The following PID1 variants were observed in gnomAD, a reference collection of about 807,000 sequenced individuals.
PID1 encodes PTB-containing, cubilin and LRP1-interacting protein.
A neutral mutation model predicts 19.1 loss-of-function variants in PID1; 10 were observed. That is an observed-to-expected ratio of 0.52 (90% confidence interval 0.32 to 0.89). The LOEUF (loss-of-function observed/expected upper bound fraction) is 0.89. Ranked by LOEUF, PID1 falls within the 40% of genes least tolerant of loss-of-function variation. The pLI is 0.03. For missense variants in PID1, 248 were observed against 285.3 expected (o/e 0.87, Z 0.94); for synonymous variants, 130 against 116.0 (o/e 1.12, Z -0.78).
At chr2:229,069,144 TG>T (rs1694397480) in intron 2 of PID1, among the ~76,000 whole-genome samples, 1 of 71,814 alleles carries the variant, frequency 1.4e-5, no homozygotes, top group African/African-American at 4.8e-5. Flanking sequence ...GAAGGGTTTT[TG>T]TGTGTGTGTG....
At chr2:229,229,481 T>A (rs565573404) in intron 1 of PID1, among the ~76,000 whole-genome samples, 1 of 151,738 alleles carries the variant, frequency 6.6e-6, no homozygotes, top group South Asian at 2.1e-4. Context: ...AAAAAATATA[T>A]GAAAAATTAG....
intron 2 of PID1, among the ~76,000 whole-genome samples, chr2:229,062,234 C>T (rs990066023): frequency 4.0e-5 from 6 of 151,850 alleles, no homozygotes; most frequent in South Asian, 2.1e-4. Context: ...CTTTTGTATA[C>T]GGACTTTATT....
chr2:229,179,124 T>C (rs1690886369), intron 1 of PID1, among the ~76,000 whole-genome samples: 1 of 152,186 alleles, frequency 6.6e-6, no homozygotes, highest in African/African-American at 2.4e-5. Flanking sequence ...TCAACAAATC[T>C]TACCCCTCAT....
At chr2:229,155,517 G>C (rs1690348349) in intron 2 of PID1, among the ~76,000 whole-genome samples, 1 of 148,688 alleles carries the variant, frequency 6.7e-6, no homozygotes, top group Admixed American at 6.7e-5. Context: ...AGCTTGCAGT[G>C]AGCCGAGATC....
At chr2:229,258,761 C>G (rs1345381187) in intron 1 of PID1, among the ~76,000 whole-genome samples, 1 of 150,298 alleles carries the variant, frequency 6.7e-6, no homozygotes. Flanking sequence ...ACTCGGGAGG[C>G]TGAGGCAGGA....
chr2:229,238,355 C>T (rs1689773110), intron 1 of PID1, among the ~76,000 whole-genome samples: 1 of 152,132 alleles, frequency 6.6e-6, no homozygotes, highest in African/African-American at 2.4e-5. Context: ...ACCATATCAT[C>T]GCTCAGTTGA....
intron 2 of PID1, among the ~76,000 whole-genome samples, chr2:229,107,699 A>G (rs1373664910): frequency 6.6e-6 from 1 of 152,110 alleles, no homozygotes; most frequent in Non-Finnish European, 1.5e-5. Context: ...ACAGGAGAAA[A>G]TAATTTGGCT....
chr2:229,190,709 C>G (rs1159854319), intron 1 of PID1, among the ~76,000 whole-genome samples: 3 of 152,182 alleles, frequency 2.0e-5, no homozygotes, highest in South Asian at 4.1e-4. Context: ...TACTAATTTC[C>G]TAGGTATATC....
intron 1 of PID1, among the ~76,000 whole-genome samples, chr2:229,260,290 G>T (rs1690422119): frequency 5.9e-5 from 9 of 151,856 alleles, no homozygotes; most frequent in Admixed American, 4.6e-4. Flanking sequence ...AACAGAACAT[G>T]AACACAACCT....
At chr2:229,067,917 C>G (rs553465970) in intron 2 of PID1, among the ~76,000 whole-genome samples, 5 of 152,194 alleles carry the variant, frequency 3.3e-5, no homozygotes, top group South Asian at 2.1e-4. Context: ...GGCAAGGTCT[C>G]TCTATTCATC....
intron 2 of PID1, among the ~76,000 whole-genome samples, chr2:229,030,055 T>G (rs1693514628): frequency 6.6e-6 from 1 of 152,196 alleles, no homozygotes; most frequent in African/African-American, 2.4e-5. Context: ...GTATAATGTA[T>G]ACTGGAATAT....
At chr2:229,225,028 T>C (rs1290108030) in intron 1 of PID1, among the ~76,000 whole-genome samples, 2 of 152,166 alleles carry the variant, frequency 1.3e-5, no homozygotes, top group African/African-American at 4.8e-5. Context: ...ATTCTTCCCA[T>C]TACTATGACT....
At chr2:229,227,409 T>G (rs1692101867) in intron 1 of PID1, among the ~76,000 whole-genome samples, 1 of 152,204 alleles carries the variant, frequency 6.6e-6, no homozygotes, top group Non-Finnish European at 1.5e-5. Flanking sequence ...TGGGTCAAAT[T>G]ACTTATGTCT....
At chr2:229,049,172 T>C (rs1421507201) in intron 2 of PID1, among the ~76,000 whole-genome samples, 1 of 152,088 alleles carries the variant, frequency 6.6e-6, no homozygotes, top group Non-Finnish European at 1.5e-5. Context: ...ACATACCAGA[T>C]GTTTTTCAAT....
chr2:229,049,185 T>C (rs772540824), intron 2 of PID1, among the ~76,000 whole-genome samples: 8 of 152,238 alleles, frequency 5.3e-5, no homozygotes, highest in Non-Finnish European at 7.3e-5. Context: ...TTTTCAATAA[T>C]GATGATCATC....
intron 2 of PID1, among the ~76,000 whole-genome samples, chr2:229,142,724 G>A (rs1042848788): frequency 6.6e-5 from 10 of 152,236 alleles, no homozygotes; most frequent in African/African-American, 1.4e-4. Context: ...GTGGAGACAT[G>A]GGAACACTTT....
rs113569109 is a variant in PID1 at position 229,117,527 on chromosome 2, C to T, written c.177+38291G>A. On this transcript the variant is annotated intron_variant, in intron 2 of 2. Transcript: ENST00000392055. ...ATCCTTCCTTTCTCTGTAGCCAGGC[C>T]GATAATGCTCCTGTCTGCTTAGAAA... 1.7e-3 allele frequency among the ~76,000 whole-genome samples: 266 copies of T among 152,238 alleles called. 2 individuals are homozygous for T. The highest frequency in any genetic ancestry group is 6.2e-3 in the African/African-American group (257 of 41,554).
chr2:229,032,682 T>C (rs1693580508), intron 2 of PID1, among the ~76,000 whole-genome samples: 1 of 152,180 alleles, frequency 6.6e-6, no homozygotes, highest in Non-Finnish European at 1.5e-5. Context: ...ATCTTTTCTA[T>C]GGTTGCAGAA....
chr2:229,261,639 C>A (rs1159206164), intron 1 of PID1, among the ~76,000 whole-genome samples: 2 of 152,242 alleles, frequency 1.3e-5, no homozygotes, highest in East Asian at 3.8e-4. Flanking sequence ...CAGCTCCTTT[C>A]CCCTGGTAAC....
Sources: gnomAD v4.1 joint callset for allele counts (sites outside exome capture counted in the v4.1 genomes callset) on GRCh38, gnomAD v4.1.1 for gene constraint, MANE v1.5 for transcripts, NCBI Gene and HGNC (gene_info 2026-07-23, HGNC 2026-07-21) for gene names.